The following COBLL1 variants were observed in gnomAD, a reference collection of about 807,000 sequenced individuals.
The protein encoded by COBLL1 is cordon-bleu protein-like 1.
A neutral mutation model predicts 94.8 loss-of-function variants in COBLL1; 50 were observed. The observed-to-expected ratio is 0.53, with a 90% CI of 0.42 to 0.67. The LOEUF is 0.67. Among genes scored for constraint, COBLL1 ranks in the 30% least tolerant of loss-of-function variants. The pLI is 0.00. For missense variants in COBLL1, 1,362 were observed against 1,348.7 expected (o/e 1.01, Z -0.15); for synonymous variants, 448 against 473.8 (o/e 0.95, Z 0.71).
At chr2:164,778,135 A>G (rs1433776869) in intron 2 of COBLL1, among the ~76,000 whole-genome samples, 1 of 152,182 alleles carries the variant, frequency 6.6e-6, no homozygotes, top group Non-Finnish European at 1.5e-5. Flanking sequence ...ACATGAGAAA[A>G]TCAGACAGAC....
At chr2:164,800,130 T>C (rs1380169079) in intron 2 of COBLL1, among the ~76,000 whole-genome samples, 1 of 151,988 alleles carries the variant, frequency 6.6e-6, no homozygotes. Context: ...ATTAAGAGAA[T>C]AAAAAAGACA....
At chr2:164,801,050 A>G (rs1683751362) in intron 2 of COBLL1, among the ~76,000 whole-genome samples, 1 of 152,134 alleles carries the variant, frequency 6.6e-6, no homozygotes, top group African/African-American at 2.4e-5. Context: ...CTGGAATCCC[A>G]ACTCTGGGAA....
At chr2:164,745,873 A>G (rs1293370255) in intron 2 of COBLL1, among the ~76,000 whole-genome samples, 1 of 152,178 alleles carries the variant, frequency 6.6e-6, no homozygotes, top group South Asian at 2.1e-4. Flanking sequence ...AAGAGATGAG[A>G]AATCAGCGAA....
At position 164,695,158 on chromosome 2, in the gene COBLL1, G is replaced by C; in HGVS notation, c.2234C>G (p.Ser745Trp). 1.2e-6 allele frequency: 2 copies of C among 1,613,842 alleles called. No homozygotes were observed. Among genetic ancestry groups the C allele is most frequent in the African/African-American group, 1.3e-5 (1 of 74,950 alleles). Residue 745 changes from serine (S) to tryptophan (W), a missense_variant, in exon 12 of 14, where the codon TCG (serine) becomes TGG (tryptophan). By Grantham distance (177) the Ser-to-Trp change is radical. Coordinates refer to ENST00000652658, the MANE Select transcript of COBLL1 (RefSeq NM_001365672.2). ...KIVPPKSLEISKDWQSETIEY... is the reference protein window; with the variant it reads ...KIVPPKSLEIWKDWQSETIEY... ...TATGGTTTCTGATTGCCAGTCTTTCGATATTTCCAAGGATTTGGGAGGCAC... is the reference window on the plus strand; with the variant it reads ...TATGGTTTCTGATTGCCAGTCTTTCCATATTTCCAAGGATTTGGGAGGCAC...
chr2:164,831,445 T>C (rs148309804), intron 2 of COBLL1, among the ~76,000 whole-genome samples: 3 of 151,814 alleles, frequency 2.0e-5, no homozygotes, highest in African/African-American at 7.2e-5. Context: ...TCTAGTAGAA[T>C]AAATATTTAA....
chr2:164,730,714 T>C (rs774255867), intron 3 of COBLL1, among the ~76,000 whole-genome samples: 14 of 152,196 alleles, frequency 9.2e-5, no homozygotes, highest in Non-Finnish European at 1.3e-4. Context: ...GTCCTTTCCT[T>C]ACCCAAGAGC....
At chr2:164,829,689 T>C (rs1682965312) in intron 2 of COBLL1, among the ~76,000 whole-genome samples, 1 of 152,180 alleles carries the variant, frequency 6.6e-6, no homozygotes, top group African/African-American at 2.4e-5. Flanking sequence ...TCAAATTGTA[T>C]ATGAACAGGG....
At chr2:164,784,844 T>C (rs1222631780) in intron 2 of COBLL1, among the ~76,000 whole-genome samples, 1 of 152,112 alleles carries the variant, frequency 6.6e-6, no homozygotes, top group African/African-American at 2.4e-5. Flanking sequence ...ACAATTAAAA[T>C]ACATATAAAA....
At chr2:164,744,189 T>C (rs1642953593) in intron 2 of COBLL1, among the ~76,000 whole-genome samples, 1 of 152,212 alleles carries the variant, frequency 6.6e-6, no homozygotes, top group South Asian at 2.1e-4. Context: ...GAGGAAAATG[T>C]ATTTTCTTTG....
intron 2 of COBLL1, among the ~76,000 whole-genome samples, chr2:164,747,801 A>G (rs1558977468): frequency 1.3e-5 from 2 of 152,186 alleles, no homozygotes; most frequent in East Asian, 3.9e-4. Context: ...TAGGAAAAAC[A>G]TCCTAATGTT....
chr2:164,718,965 G>A (rs1277384952), intron 7 of COBLL1, among the ~76,000 whole-genome samples: 3 of 151,988 alleles, frequency 2.0e-5, no homozygotes, highest in Non-Finnish European at 2.9e-5. Flanking sequence ...TCATTCTGTA[G>A]AGGATCTTGG....
intron 2 of COBLL1, among the ~76,000 whole-genome samples, chr2:164,797,198 C>T (rs78744776): frequency 6.6e-6 from 1 of 152,282 alleles, no homozygotes; most frequent in African/African-American, 2.4e-5. Flanking sequence ...CTCTCATGTG[C>T]AAGCATTACC....
rs369864612 is a variant in COBLL1 at position 164,695,505 on chromosome 2, T to A, written c.1887A>T (p.Glu629Asp). 48 of 1,613,946 alleles carry A rather than the reference T, an allele frequency of 3.0e-5. No individual in the cohort carries two copies. In the African/African-American group the frequency reaches 4.4e-4, roughly 15 times the overall value. Residue 629 changes from glutamate (E) to aspartate (D), a missense_variant, in exon 12 of 14, where the codon GAA becomes GAT. Glu to Asp is a conservative substitution (Grantham distance 45, BLOSUM62 2). Coordinates refer to ENST00000652658, the MANE Select transcript of COBLL1 (RefSeq NM_001365672.2). ...DHNLSDSKVE[E>D]CVQTSNNNIS... is the part of the protein sequence containing the mutation. ...TGTTGTTATTTGAAGTTTGCACACA[T>A]TCTTCAACTTTGGAGTCAGATAAAT...
chr2:164,687,811 A>G (rs1017528932), intron 13 of COBLL1: 15 of 416,280 alleles, frequency 3.6e-5, no homozygotes, highest in African/African-American at 3.0e-4. Flanking sequence ...CCTTGGTCCT[A>G]AATGTTTCTG....
chr2:164,826,218 G>A (rs1445445801), intron 2 of COBLL1, among the ~76,000 whole-genome samples: 1 of 152,154 alleles, frequency 6.6e-6, no homozygotes, highest in Non-Finnish European at 1.5e-5. Context: ...CTCAGTGGGG[G>A]CATTTTTCTC....
intron 2 of COBLL1, among the ~76,000 whole-genome samples, chr2:164,778,656 A>T (rs527657285): frequency 2.6e-5 from 4 of 152,202 alleles, no homozygotes; most frequent in Non-Finnish European, 5.9e-5. Flanking sequence ...AGGTTATCTA[A>T]AATCAGTAAA....
rs188132958 is a variant in COBLL1 at position 164,776,577 on chromosome 2, A to T, written c.42-32702T>A. On this transcript the variant is annotated intron_variant, in intron 2 of 13. Coordinates refer to ENST00000652658, the MANE Select transcript of COBLL1 (RefSeq NM_001365672.2). ...AAAGCATTTATCACTGTTTTTTTTT[A>T]ATTTATTTTGTCTGTCTGCCCCCTC... Among the ~76,000 whole-genome samples, 509 of 146,316 alleles carry T rather than the reference A, an allele frequency of 3.5e-3. 2 individuals carry two copies. Among genetic ancestry groups the T allele is most frequent in the African/African-American group, 0.013 (491 of 38,808 alleles).
At chr2:164,820,753 C>G (rs906583584) in intron 2 of COBLL1, among the ~76,000 whole-genome samples, 1 of 152,122 alleles carries the variant, frequency 6.6e-6, no homozygotes, top group Non-Finnish European at 1.5e-5. Context: ...CTTTGAGGTT[C>G]GCACCAATTT....
rs757180693 is a variant in COBLL1, at chr2:164,722,292, G to T, written c.779C>A (p.Thr260Asn). 1 of 1,613,852 alleles carries T rather than the reference G, an allele frequency of 6.2e-7. No individual in the cohort carries two copies. Among genetic ancestry groups the T allele is most frequent in the Non-Finnish European group, 8.5e-7 (1 of 1,179,826 alleles). Reference sequence around the variant, plus strand: ...TGGGCGGTGCTTATTTACTAGAGGGGTTGCAGGGGCACTTGCAGTCTAGTA... The same window carrying T: ...TGGGCGGTGCTTATTTACTAGAGGGTTTGCAGGGGCACTTGCAGTCTAGTA... Reference protein sequence around the residue: ...KRDQTASAPATPLVNKHRPTF... With the variant: ...KRDQTASAPANPLVNKHRPTF... The change falls in exon 7 of 14, where the codon ACC becomes AAC. Residue 260 changes from threonine (T) to asparagine (N), a missense_variant. By Grantham distance (65) the Thr-to-Asn change is moderately conservative. Coordinates refer to ENST00000652658, the MANE Select transcript of COBLL1 (RefSeq NM_001365672.2).
Sources: gnomAD v4.1 joint callset for allele counts (sites outside exome capture counted in the v4.1 genomes callset) on GRCh38, gnomAD v4.1.1 for gene constraint, MANE v1.5 for transcripts, NCBI Gene and HGNC (gene_info 2026-07-23, HGNC 2026-07-21) for gene names.